The following HOXA4 variants were observed in gnomAD, a reference collection of about 807,000 sequenced individuals.
The protein encoded by HOXA4 is homeobox A4, also known as homeobox protein Hox-A4.
HOXA4 carries 31 observed loss-of-function variants against 25.3 expected under a neutral mutation model. That is an observed-to-expected ratio of 1.22 (90% CI 0.92 to 1.65). The LOEUF is 1.65. Among genes scored for constraint, HOXA4 ranks in the 40% most tolerant of loss-of-function variants. The pLI is 0.00. For synonymous variants in HOXA4, 225 were observed against 207.7 expected, an observed-to-expected ratio of 1.08 and a Z score of -0.72; for missense variants, 459 against 446.0, an observed-to-expected ratio of 1.03 and a Z score of -0.26.
In HOXA4 at chr7:27,130,648, G is replaced by A. The variant is rs772898564; in HGVS notation, c.86C>T (p.Ser29Leu). Residue 29 changes from serine (S) to leucine (L), a missense_variant, in exon 1 of 2, where the codon TCG (serine) becomes TTG (leucine). Transcript: ENST00000360046. ...GCCCGGGCCGCCGTCTGCGCCGCCC[G>A]AGCCGCTGTGCTGCGCGTACTCCTC... is the stretch of plus-strand genomic sequence containing the variant. ...PFEEYAQHSGSGGADGGPGGG... is the reference protein window; with the variant it reads ...PFEEYAQHSGLGGADGGPGGG... 1.1e-5 allele frequency: 17 copies of A among 1,600,042 alleles called. No homozygotes were observed. The highest frequency in any genetic ancestry group is 1.7e-5 in the Admixed American group (1 of 58,958).
intron 1 of HOXA4, 198 bp downstream of exon 1, chr7:27,129,920 C>T (rs2128054308): frequency 3.1e-6 from 2 of 637,434 alleles, no homozygotes; most frequent in South Asian, 1.9e-5. Context: ...TAAAGGGACC[C>T]TGGGTACAAA....
rs1372831545 is a variant in HOXA4, at chr7:27,130,155, C to T, written c.579G>A (p.Val193=). The T allele has an allele frequency of 6.2e-7, 1 of 1,602,980 alleles. No individual in the cohort carries two copies. The highest frequency in any genetic ancestry group is 1.1e-5 in the South Asian group (1 of 90,394). The change falls in exon 1 of 2, where the codon GTG becomes GTA. Residue 193 remains valine, a synonymous_variant. Coordinates refer to ENST00000360046, the MANE Select transcript of HOXA4 (RefSeq NM_002141.5). The part of the protein sequence containing the change: ...SPLGLKGKEP[V]VYPWMKKIHV... ...GGATCTTCTTCATCCAGGGGTACAC[C>T]ACGGGCTCCTTGCCCTTCAGGCCCA...
In HOXA4 at chr7:27,129,562, C is replaced by A; in HGVS notation, c.626G>T (p.Ser209Ile). 1.9e-6 allele frequency: 3 copies of A among 1,612,712 alleles called. No individual in the cohort carries two copies. The highest frequency in any genetic ancestry group is 2.5e-6 in the Non-Finnish European group (3 of 1,180,020). The change falls in exon 2 of 2, where the codon AGT (serine) becomes ATT (isoleucine). Residue 209 changes from serine to isoleucine, a missense_variant. Transcript: ENST00000360046. Reference sequence around the variant, plus strand: ...GCGCTTAGGCTCCCCTCCGTTATAACTGGGGTTAACTGAAAACCCAGAACC... The same window carrying A: ...GCGCTTAGGCTCCCCTCCGTTATAAATGGGGTTAACTGAAAACCCAGAACC... Reference protein sequence around the residue: ...KKIHVSAVNPSYNGGEPKRSR... With the variant: ...KKIHVSAVNPIYNGGEPKRSR...
rs1785403925 is a variant in HOXA4, at chr7:27,129,154, T to A, written c.*71A>T. 1.1e-6 allele frequency: 1 copy of A among 936,870 alleles called. No individual in the cohort carries two copies. The highest frequency in any genetic ancestry group is 1.6e-5 in the African/African-American group (1 of 61,732). The allele number at this position is 936,870 out of a possible 1,614,324, so 58.0% of individuals were successfully genotyped here. A position where few individuals can be genotyped will look rare whatever the true frequency, so the allele number is the denominator to read the frequency against. ...TATGGTCCAGATGGGGAGGGGTGGA[T>A]GAGGAACGGAGCAGGAGAAGAGAAG... is the stretch of plus-strand genomic sequence containing the variant. On this transcript the variant is annotated 3_prime_UTR_variant, in exon 2 of 2. Coordinates refer to ENST00000360046, the MANE Select transcript of HOXA4 (RefSeq NM_002141.5).
rs148653911 is a variant in HOXA4 at position 27,130,656 on chromosome 7, G to C, written c.78C>G (p.His26Gln). Residue 26 changes from histidine (H) to glutamine (Q), a missense_variant, in exon 1 of 2, where the codon CAC becomes CAG. Physicochemically the swap from His to Gln is conservative, Grantham distance 24. Transcript: ENST00000360046. ...CGCCGTCTGCGCCGCCCGAGCCGCTGTGCTGCGCGTACTCCTCGAAGGGAG... is the reference window on the plus strand; with the variant it reads ...CGCCGTCTGCGCCGCCCGAGCCGCTCTGCTGCGCGTACTCCTCGAAGGGAG... ...KFPPFEEYAQ[H>Q]SGSGGADGGP... 1.9e-5 allele frequency: 31 copies of C among 1,605,062 alleles called. No individual in the cohort carries two copies. In the African/African-American group the frequency reaches 3.3e-4, roughly 17 times the overall value.
chr7:27,129,533 G>C lies in HOXA4; in HGVS notation c.655C>G (p.Arg219Gly). The C allele has an allele frequency of 1.2e-6, 2 of 1,613,996 alleles. No individual in the cohort carries two copies. The highest frequency in any genetic ancestry group is 1.7e-6 in the Non-Finnish European group (2 of 1,180,026). The change falls in exon 2 of 2, where the codon CGA becomes GGA. Residue 219 changes from arginine to glycine, a missense_variant. Transcript: ENST00000360046. ...SYNGGEPKRSRTAYTRQQVLE... is the reference protein window; with the variant it reads ...SYNGGEPKRSGTAYTRQQVLE... ...ACCTGCTGCCGGGTGTAGGCGGTTC[G>C]AGAGCGCTTAGGCTCCCCTCCGTTA...
In HOXA4 at chr7:27,128,995, C is replaced by T. The variant is rs1251129764; in HGVS notation, c.*230G>A. The stretch of plus-strand genomic sequence containing the variant: ...CACACCTGGCAGCCTTGTTTCGGGC[C>T]AGCAGGTTGTTCCACCAGCCAGCAT... On this transcript the variant is annotated 3_prime_UTR_variant, in exon 2 of 2. Transcript: ENST00000360046. 5.1e-6 allele frequency: 3 copies of T among 590,124 alleles called. No homozygotes were observed. Among genetic ancestry groups the T allele is most frequent in the Non-Finnish European group, 9.1e-6 (3 of 330,426 alleles). The allele number at this position is 590,124 out of a possible 1,614,324, so 36.6% of individuals were successfully genotyped here.
At position 27,128,921 on chromosome 7, in the gene HOXA4, T is replaced by A; in HGVS notation, c.*304A>T. 2.3e-6 allele frequency: 1 copy of A among 432,728 alleles called. No individual in the cohort carries two copies. The highest frequency in any genetic ancestry group is 4.3e-6 in the Non-Finnish European group (1 of 235,146). The allele number at this position is 432,728 out of a possible 1,614,324, so 26.8% of individuals were successfully genotyped here. A position where few individuals can be genotyped will look rare whatever the true frequency, so the allele number is the denominator to read the frequency against. ...AGCATGGGCTGTCCAGCTAGCTGAC[T>A]GTAGCCATCTCAAAAGTATTTGATA... On this transcript the variant is annotated 3_prime_UTR_variant, in exon 2 of 2. Coordinates refer to ENST00000360046, the MANE Select transcript of HOXA4 (RefSeq NM_002141.5).
In HOXA4 at chr7:27,129,515, G is replaced by A; in HGVS notation, c.673C>T (p.Gln225Ter). Residue 225 changes from glutamine (Q) to a stop codon, truncating the protein, a stop_gained, in exon 2 of 2, where the codon CAG becomes TAG. Transcript: ENST00000360046. LOFTEE classifies it high-confidence loss of function. Reference protein sequence around the residue: ...PKRSRTAYTRQQVLELEKEFH... With the variant: ...PKRSRTAYTR ...TCCTTCTCCAGCTCCAAGACCTGCT[G>A]CCGGGTGTAGGCGGTTCGAGAGCGC... 1 of 1,614,168 alleles carries A rather than the reference G, an allele frequency of 6.2e-7. No homozygotes were observed. The highest frequency in any genetic ancestry group is 1.1e-5 in the South Asian group (1 of 91,078).
At position 27,130,320 on chromosome 7, in the gene HOXA4, G is replaced by C. The variant is rs540982908; in HGVS notation, c.414C>G (p.Pro138=). ...GAGGCTGCAGGGGCGGCGGCAGCTG[G>C]GGCTGCAGGACGTGGCTCGCATGCA... ...HGLHASHVLQ[P]QLPPPLQPRA... The change falls in exon 1 of 2, where the codon CCC becomes CCG. Residue 138 remains proline, a synonymous_variant. Transcript: ENST00000360046. 3.1e-4 allele frequency: 340 copies of C among 1,093,770 alleles called. 2 individuals carry two copies. The African/African-American group carries it at 5.2e-3, about 17-fold the overall frequency. The allele number at this position is 1,093,770 out of a possible 1,614,324, so 67.8% of individuals were successfully genotyped here. A position where few individuals can be genotyped will look rare whatever the true frequency, so the allele number is the denominator to read the frequency against.
At chr7:27,130,083 C>A in intron 1 of HOXA4, 35 bp downstream of exon 1, 1 of 1,563,742 alleles carries the variant, frequency 6.4e-7, no homozygotes. Context: ...CCAGCCCCGG[C>A]CCACCTCCCG....
chr7:27,129,497 C>G lies in HOXA4; in HGVS notation c.691G>C (p.Glu231Gln). ...AYTRQQVLEL[E>Q]KEFHFNRYLT... The stretch of plus-strand genomic sequence containing the variant: ...TATCGATTGAAGTGGAACTCCTTCT[C>G]CAGCTCCAAGACCTGCTGCCGGGTG... The change falls in exon 2 of 2, where the codon GAG becomes CAG. Residue 231 changes from glutamate to glutamine, a missense_variant. By Grantham distance (29) the Glu-to-Gln change is conservative. Coordinates refer to ENST00000360046, the MANE Select transcript of HOXA4 (RefSeq NM_002141.5). 5 of 1,614,124 alleles carry G rather than the reference C, an allele frequency of 3.1e-6. No homozygotes were observed. In the African/African-American group the frequency reaches 5.3e-5, roughly 17 times the overall value.
chr7:27,130,062 C>T, intron 1 of HOXA4, 56 bp downstream of exon 1: 1 of 1,528,072 alleles, frequency 6.5e-7, no homozygotes, highest in Admixed American at 1.9e-5. Context: ...CCCCGACCCT[C>T]GAACCCAGGC....
In HOXA4 at chr7:27,130,488, G is replaced by A; in HGVS notation, c.246C>T (p.Pro82=). Residue 82 remains proline (P), a synonymous_variant, in exon 1 of 2, where the codon CCC becomes CCT. Transcript: ENST00000360046. ...GGTACAGCGCGGCAGCAGGGTAGGC[G>A]GGCTCGCGGGCGGTCCGCGGCGCGT... ...SYYAPRTARE[P]AYPAAALYPA... 7.8e-7 allele frequency: 1 copy of A among 1,276,456 alleles called. No individual in the cohort carries two copies. Among genetic ancestry groups the A allele is most frequent in the East Asian group, 3.4e-5 (1 of 29,504 alleles). The allele number at this position is 1,276,456 out of a possible 1,614,324, so 79.1% of individuals were successfully genotyped here.
At position 27,129,318 on chromosome 7, in the gene HOXA4, A is replaced by AGAGGCC. The variant is rs552955092; in HGVS notation, c.864_869dup (p.Ser290_Ala291dup). 2 of 1,614,168 alleles carry AGAGGCC rather than the reference A, an allele frequency of 1.2e-6. No individual in the cohort carries two copies. The highest frequency in any genetic ancestry group is 1.7e-6 in the Non-Finnish European group (2 of 1,180,032). ...TTTGTGCTTTCCCTGGTGGGCCGGC[A>AGAGGCC]GAGGCCGAGGCCGAATTGGAGGATC... On this transcript the variant is annotated inframe_insertion, in exon 2 of 2. Coordinates refer to ENST00000360046, the MANE Select transcript of HOXA4 (RefSeq NM_002141.5).
Position 27,129,384 on chromosome 7 carries a change from C to T in HOXA4, c.804G>A (p.Met268Ile), listed in dbSNP as rs777227082. 8.7e-6 allele frequency: 14 copies of T among 1,614,018 alleles called. No homozygotes were observed. Among genetic ancestry groups the T allele is most frequent in the Admixed American group, 3.3e-5 (2 of 59,994 alleles). Residue 268 changes from methionine to isoleucine, a missense_variant, in exon 2 of 2, where the codon ATG (methionine) becomes ATA (isoleucine). Transcript: ENST00000360046. Reference sequence around the variant, plus strand: ...GCAGTTTGTGGTCTTTCTTCCACTTCATCCTCCGGTTCTGAAACCAGATCT... The same window carrying T: ...GCAGTTTGTGGTCTTTCTTCCACTTTATCCTCCGGTTCTGAAACCAGATCT... Reference protein sequence around the residue: ...QVKIWFQNRRMKWKKDHKLPN... With the variant: ...QVKIWFQNRRIKWKKDHKLPN...
intron 1 of HOXA4, 176 bp downstream of exon 1, chr7:27,129,942 G>A: frequency 1.4e-6 from 1 of 696,898 alleles, no homozygotes; most frequent in Non-Finnish European, 2.4e-6. Context: ...GGGTTCTCAT[G>A]TTGGGATCAG....
In HOXA4 at chr7:27,128,577, C is replaced by T. The variant is rs1785381287; in HGVS notation, c.*648G>A. The T allele has an allele frequency of 6.6e-6, 1 of 152,530 alleles. No individual in the cohort carries two copies. The highest frequency in any genetic ancestry group is 2.1e-4 in the South Asian group (1 of 4,828). 9.4% of individuals were successfully genotyped at this position (152,530 alleles called of 1,614,324 possible). A position where few individuals can be genotyped will look rare whatever the true frequency, so the allele number is the denominator to read the frequency against. ...CACATGGCTTTCTATGTAGCCACAT[C>T]ACAATTTGTACAGTTCCACATAAGT... On this transcript the variant is annotated 3_prime_UTR_variant, in exon 2 of 2. Transcript: ENST00000360046.
rs1322254347 is a variant in HOXA4 at position 27,128,691 on chromosome 7, A to G, written c.*534T>C. On this transcript the variant is annotated 3_prime_UTR_variant, in exon 2 of 2. Transcript: ENST00000360046. ...AGTGTCTTAAATAAATGCAAGTAAG[A>G]AAAACTAACATGTCACACCTACCAT... 6.0e-6 allele frequency: 1 copy of G among 168,066 alleles called. No individual in the cohort carries two copies. Among genetic ancestry groups the G allele is most frequent in the Non-Finnish European group, 1.3e-5 (1 of 75,730 alleles). The allele number at this position is 168,066 out of a possible 1,614,324, so 10.4% of individuals were successfully genotyped here.
Sources: gnomAD v4.1 joint callset for allele counts on GRCh38, gnomAD v4.1.1 for gene constraint, MANE v1.5 for transcripts, NCBI Gene and HGNC (gene_info 2026-07-23, HGNC 2026-07-21) for gene names.